The following MAP4K4 variants were observed in gnomAD, a reference collection of about 807,000 sequenced individuals.
MAP4K4 encodes the protein HPK/GCK-like kinase HGK.
Under a neutral mutation model 189.6 loss-of-function variants are expected in MAP4K4, and 38 were observed. That is an observed-to-expected ratio of 0.20 (90% CI 0.15 to 0.26). The LOEUF (loss-of-function observed/expected upper bound fraction) is 0.26. MAP4K4 is among the 10% of genes least tolerant of loss of function. MAP4K4 has a pLI of 1.00. For missense variants in MAP4K4, 1,054 were observed against 1,726.9 expected (o/e 0.61, Z 6.91); for synonymous variants, 610 against 624.3 (o/e 0.98, Z 0.34).
exon 15 of MAP4K4, chr2:101,859,835 C>T (rs2097581846): frequency 6.2e-7 from 1 of 1,609,094 alleles, no homozygotes; most frequent in Non-Finnish European, 8.5e-7. Context: ...GCCCAAAGCC[C>T]ACTACGAGCC....
At chr2:101,761,314 T>TA (rs1405283723) in intron 2 of MAP4K4, among the ~76,000 whole-genome samples, 4 of 152,292 alleles carry the variant, frequency 2.6e-5, no homozygotes, top group African/African-American at 9.6e-5. Flanking sequence ...TATTTTTTCT[T>TA]AAAAAAATTT....
chr2:101,840,055 A>G lies in MAP4K4; in HGVS notation c.949+61A>G, dbSNP rs1051421603. 7.4e-6 allele frequency: 11 copies of G among 1,480,504 alleles called. No homozygotes were observed. The East Asian group carries it at 2.1e-4, about 28-fold the overall frequency. The allele number at this position is 1,480,504 out of a possible 1,614,324, so 91.7% of individuals were successfully genotyped here. On this transcript the variant is annotated intron_variant, in intron 10 of 32. Transcript: ENST00000324219. ...TTTTATGTTTAGTTTCTTGCCAACT[A>G]GAGTAGGTCCCTCCCTTCCCAGCTG...
At chr2:101,716,694 T>A (rs1442696379) in intron 2 of MAP4K4, among the ~76,000 whole-genome samples, 1 of 152,284 alleles carries the variant, frequency 6.6e-6, no homozygotes, top group African/African-American at 2.4e-5. Flanking sequence ...TAATTTGGAC[T>A]GGGGCATACT....
chr2:101,804,966 C>T (rs1347500477), intron 3 of MAP4K4, among the ~76,000 whole-genome samples: 4 of 148,894 alleles, frequency 2.7e-5, no homozygotes, highest in Admixed American at 6.8e-5. Flanking sequence ...CCCAGCTACT[C>T]GGGAGGCTGA....
At chr2:101,819,322 T>G (rs2095901024) in intron 3 of MAP4K4, among the ~76,000 whole-genome samples, 1 of 152,236 alleles carries the variant, frequency 6.6e-6, no homozygotes, top group Admixed American at 6.5e-5. Flanking sequence ...ATTATTACCC[T>G]ACTCTAAAGA....
At chr2:101,827,072 C>G (rs1188896204) in intron 5 of MAP4K4, among the ~76,000 whole-genome samples, 3 of 152,118 alleles carry the variant, frequency 2.0e-5, no homozygotes, top group Non-Finnish European at 4.4e-5. Flanking sequence ...GTTTCTATAC[C>G]CAGGCAAGCA....
intron 26 of MAP4K4, among the ~76,000 whole-genome samples, chr2:101,876,245 C>T (rs898093671): frequency 1.3e-5 from 2 of 152,108 alleles, no homozygotes; most frequent in Non-Finnish European, 2.9e-5. Flanking sequence ...GAGGCACACT[C>T]ATGCACAGGT....
At chr2:101,849,619 T>A (rs1369946418) in intron 12 of MAP4K4, among the ~76,000 whole-genome samples, 2 of 61,814 alleles carry the variant, frequency 3.2e-5, no homozygotes, top group Non-Finnish European at 5.6e-5. Flanking sequence ...TCAATAGTTT[T>A]GTGCTCTTTT....
intron 12 of MAP4K4, among the ~76,000 whole-genome samples, chr2:101,844,533 A>C (rs2097028678): frequency 6.6e-6 from 1 of 152,204 alleles, no homozygotes; most frequent in Non-Finnish European, 1.5e-5. Flanking sequence ...TGAAAACTTT[A>C]AGGATCTGCC....
intron 2 of MAP4K4, among the ~76,000 whole-genome samples, chr2:101,730,678 G>A (rs1052622458): frequency 1.3e-5 from 2 of 152,130 alleles, no homozygotes; most frequent in African/African-American, 4.8e-5. Flanking sequence ...TTAAGCATAC[G>A]TTTTTGAATT....
chr2:101,863,753 G>T, intron 16 of MAP4K4, 68 bp from the exon 17 acceptor site: 2 of 1,055,122 alleles, frequency 1.9e-6, no homozygotes, highest in Non-Finnish European at 2.7e-6. Flanking sequence ...CTTTGGATTT[G>T]GTATTGACCA....
At chr2:101,891,343 G>T in exon 33 of MAP4K4, 1 of 1,054,618 alleles carries the variant, frequency 9.5e-7, no homozygotes, top group East Asian at 2.5e-5. Context: ...CTGCACCGAG[G>T]GCAACCAGGA....
At chr2:101,886,142 A>C (rs757529735) in intron 29 of MAP4K4, among the ~76,000 whole-genome samples, 1 of 152,238 alleles carries the variant, frequency 6.6e-6, no homozygotes, top group Non-Finnish European at 1.5e-5. Flanking sequence ...TTACTGAATA[A>C]AGAGAATTGG....
intron 2 of MAP4K4, among the ~76,000 whole-genome samples, chr2:101,724,111 T>A (rs992054644): frequency 4.6e-5 from 7 of 152,226 alleles, no homozygotes; most frequent in African/African-American, 1.7e-4. Flanking sequence ...TCTTACATGA[T>A]ACTTATGGAT....
chr2:101,851,015 CA>C (rs989856429), intron 12 of MAP4K4, among the ~76,000 whole-genome samples: 1 of 151,980 alleles, frequency 6.6e-6, no homozygotes, highest in Non-Finnish European at 1.5e-5. Flanking sequence ...CCACTGAAGC[CA>C]GTAAATCCAG....
intron 2 of MAP4K4, among the ~76,000 whole-genome samples, chr2:101,728,023 C>T (rs1424598433): frequency 2.0e-5 from 3 of 152,158 alleles, no homozygotes; most frequent in Non-Finnish European, 4.4e-5. Context: ...AGGGAGAAAA[C>T]GTGTAGCATC....
chr2:101,766,102 C>T (rs1196853681), intron 2 of MAP4K4, among the ~76,000 whole-genome samples: 1 of 152,206 alleles, frequency 6.6e-6, no homozygotes, highest in Non-Finnish European at 1.5e-5. Flanking sequence ...AGTTAAGGGA[C>T]CCTTTTTATC....
intron 2 of MAP4K4, among the ~76,000 whole-genome samples, chr2:101,716,007 T>C (rs999602717): frequency 1.3e-5 from 2 of 152,226 alleles, no homozygotes; most frequent in Non-Finnish European, 2.9e-5. Flanking sequence ...TAATGCCTGA[T>C]GATCTGTCAC....
chr2:101,758,334 C>G (rs920112970), intron 2 of MAP4K4, among the ~76,000 whole-genome samples: 1 of 152,162 alleles, frequency 6.6e-6, no homozygotes, highest in Non-Finnish European at 1.5e-5. Flanking sequence ...AAGGACACAT[C>G]GTGAGCGTTG....
Sources: gnomAD v4.1 joint callset for allele counts (sites outside exome capture counted in the v4.1 genomes callset) on GRCh38, gnomAD v4.1.1 for gene constraint, MANE v1.5 for transcripts, NCBI Gene and HGNC (gene_info 2026-07-23, HGNC 2026-07-21) for gene names.